POC1B: variants seen among roughly 807,000 people sequenced by gnomAD.
The protein encoded by POC1B is POC1 centriolar protein homolog B.
In POC1B, 44 loss-of-function variants were observed where a neutral mutation model predicts 60.6. That is an observed-to-expected ratio of 0.73 (90% CI 0.57 to 0.93). The LOEUF (loss-of-function observed/expected upper bound fraction) is 0.93, where lower values mean the gene tolerates loss of function less well. Among genes scored for constraint, POC1B ranks in the 40% least tolerant of loss-of-function variants. The pLI, the probability that POC1B is intolerant of heterozygous loss-of-function variation, is 0.00. For missense variants in POC1B, 555 were observed against 572.3 expected (o/e 0.97, Z 0.31); for synonymous variants, 180 against 198.9 (o/e 0.90, Z 0.80).
chr12:89,448,305 C>A (rs1440697927), intron 10 of POC1B, among the ~76,000 whole-genome samples: 1 of 152,026 alleles, frequency 6.6e-6, no homozygotes, highest in Non-Finnish European at 1.5e-5. Flanking sequence ...AAACAAAACC[C>A]AACCAGCCAA....
chr12:89,480,803 T>C (rs1260498345), intron 4 of POC1B, among the ~76,000 whole-genome samples: 3 of 152,182 alleles, frequency 2.0e-5, no homozygotes, highest in South Asian at 2.1e-4. Context: ...AGTTTCACCA[T>C]GTTAGCCAGG....
intron 10 of POC1B, among the ~76,000 whole-genome samples, chr12:89,452,278 T>C (rs1882076609): frequency 6.6e-6 from 1 of 152,114 alleles, no homozygotes; most frequent in Non-Finnish European, 1.5e-5. Flanking sequence ...TCTCAGCAAG[T>C]TGGAAGGCAG....
intron 2 of POC1B, chr12:89,501,387 A>C: frequency 9.8e-7 from 1 of 1,023,120 alleles, no homozygotes; most frequent in Non-Finnish European, 1.5e-6. Context: ...TTATGGCTAA[A>C]CCAGCTGAAG....
At chr12:89,414,819 A>G (rs570082480), downstream of POC1B, among the ~76,000 whole-genome samples, 7 of 152,308 alleles carry the variant, frequency 4.6e-5, no homozygotes, top group East Asian at 3.9e-4. Context: ...TTATCTTCCA[A>G]TCCTCTTAGA....
chr12:89,442,924 A>G (rs1348691435), intron 10 of POC1B, among the ~76,000 whole-genome samples: 2 of 152,154 alleles, frequency 1.3e-5, no homozygotes, highest in Non-Finnish European at 2.9e-5. Flanking sequence ...CAAGAAAATG[A>G]AAAACAAAAA....
intron 2 of POC1B, among the ~76,000 whole-genome samples, chr12:89,518,086 CTT>C (rs79963225): frequency 1.8e-4 from 25 of 142,238 alleles, no homozygotes; most frequent in Non-Finnish European, 1.9e-4. Context: ...TCTAATTTTC[CTT>C]TTTTTTTTTT....
chr12:89,466,951 T>A, intron 8 of POC1B, 29 bp from the exon 9 acceptor site: 2 of 1,593,184 alleles, frequency 1.3e-6, no homozygotes, highest in Non-Finnish European at 1.7e-6. Context: ...ATGTTGGCAG[T>A]TATTGACTTG....
At chr12:89,438,030 G>C (rs1881345288) in intron 10 of POC1B, among the ~76,000 whole-genome samples, 1 of 146,168 alleles carries the variant, frequency 6.8e-6, no homozygotes, top group African/African-American at 2.6e-5. Context: ...CAGCCTGGGC[G>C]ACAGAGTGAG....
intron 9 of POC1B, among the ~76,000 whole-genome samples, chr12:89,465,181 T>C (rs1882640345): frequency 6.6e-6 from 1 of 152,168 alleles, no homozygotes; most frequent in South Asian, 2.1e-4. Flanking sequence ...CCCAGCTGGT[T>C]TAATGGCTTT....
chr12:89,452,597 A>C (rs2120774130), intron 10 of POC1B, among the ~76,000 whole-genome samples: 1 of 152,240 alleles, frequency 6.6e-6, no homozygotes, highest in Non-Finnish European at 1.5e-5. Flanking sequence ...TTGAAACTTA[A>C]AGAGAAAGAA....
intron 4 of POC1B, among the ~76,000 whole-genome samples, chr12:89,474,279 A>T (rs970538412): frequency 6.6e-6 from 1 of 152,126 alleles, no homozygotes; most frequent in Non-Finnish European, 1.5e-5. Flanking sequence ...GCTTCTTTTT[A>T]AAAAATATTA....
intron 1 of POC1B, 116 bp from the exon 2 acceptor site, chr12:89,525,320 G>A: frequency 6.9e-7 from 1 of 1,452,030 alleles, no homozygotes; most frequent in Non-Finnish European, 9.1e-7. Flanking sequence ...CCAGGCGGCG[G>A]CTTGGCTGGG....
intron 2 of POC1B, chr12:89,499,966 C>T: frequency 7.5e-6 from 5 of 662,936 alleles, no homozygotes; most frequent in Admixed American, 5.8e-5. Context: ...CCATCGCCTT[C>T]GACTTAAGGG....
intron 9 of POC1B, among the ~76,000 whole-genome samples, chr12:89,463,090 T>C (rs570258862): frequency 2.7e-4 from 41 of 152,196 alleles, no homozygotes; most frequent in Admixed American, 4.6e-4. Context: ...CAATGAATCA[T>C]GGTCAGACTA....
the POC1B span, among the ~76,000 whole-genome samples, chr12:89,414,627 G>A: frequency 6.6e-6 from 1 of 152,188 alleles, no homozygotes; most frequent in Non-Finnish European, 1.5e-5. Context: ...AGTTGTATAA[G>A]CCATCAAGGA....
chr12:89,462,785 C>T (rs1421314869), intron 9 of POC1B, among the ~76,000 whole-genome samples: 1 of 152,126 alleles, frequency 6.6e-6, no homozygotes, highest in Non-Finnish European at 1.5e-5. Context: ...CTCAATTTCT[C>T]ATGGGATAAT....
rs192023576 is a variant in POC1B, at chr12:89,481,646, A to G, written c.453-9371T>C. Among the ~76,000 whole-genome samples, 5 of 152,328 alleles carry G rather than the reference A, an allele frequency of 3.3e-5. 1 individual carries two copies. Among genetic ancestry groups the G allele is most frequent in the Admixed American group, 2.6e-4 (4 of 15,306 alleles). ...AAATTCTGCATTGGAAAAAAAATTT[A>G]CAAGGAACCCCCTTGTATATAATAC... On this transcript the variant is annotated intron_variant, in intron 4 of 11. Coordinates refer to ENST00000313546, the MANE Select transcript of POC1B (RefSeq NM_172240.3).
intron 2 of POC1B, chr12:89,523,742 T>G: frequency 6.5e-7 from 1 of 1,544,032 alleles, no homozygotes; most frequent in African/African-American, 1.4e-5. Flanking sequence ...GGCTCCCCTA[T>G]CTGCATATAG....
At chr12:89,449,185 C>T (rs573545174) in intron 10 of POC1B, among the ~76,000 whole-genome samples, 3 of 152,270 alleles carry the variant, frequency 2.0e-5, no homozygotes, top group East Asian at 1.9e-4. Context: ...GTTGTTTAAT[C>T]GGAGCCTTGC....
Sources: allele counts gnomAD v4.1 joint callset (sites outside exome capture counted in the v4.1 genomes callset), GRCh38; gene constraint gnomAD v4.1.1; transcripts MANE v1.5; gene names NCBI Gene and HGNC (gene_info 2026-07-23, HGNC 2026-07-21).